Variants in MARVELD2 observed in about 807,000 individuals in gnomAD.
The protein encoded by MARVELD2 is MARVEL domain-containing protein 2.
Under a neutral mutation model 57.6 loss-of-function variants are expected in MARVELD2, and 49 were observed. The ratio of observed to expected loss-of-function variants is 0.85; its 90% CI spans 0.68 to 1.08. MARVELD2 has a LOEUF of 1.08. MARVELD2 is among the 50% of genes least tolerant of loss of function. MARVELD2 has a pLI of 0.00. For synonymous variants in MARVELD2, 238 were observed against 258.8 expected, an observed-to-expected ratio of 0.92 and a Z score of 0.77; for missense variants, 606 against 701.1, an observed-to-expected ratio of 0.86 and a Z score of 1.53.
At chr5:69,422,962 A>G (rs1766675894) in intron 2 of MARVELD2, among the ~76,000 whole-genome samples, 1 of 152,192 alleles carries the variant, frequency 6.6e-6, no homozygotes, top group African/African-American at 2.4e-5. Context: ...CAGTGGCACA[A>G]TCTCTGCTCA....
rs773244213 is a variant in MARVELD2, at chr5:69,419,765, G to A, written c.380G>A (p.Arg127His). Reference protein sequence around the residue: ...PPASPARPNHRSPLNSCKDPY... With the variant: ...PPASPARPNHHSPLNSCKDPY... ...GCCTCTCCAGCAAGACCAAACCACC[G>A]TTCGCCCCTCAACTCCTGCAAAGAT... The change falls in exon 2 of 7, where the codon CGT becomes CAT. Residue 127 changes from arginine (R) to histidine (H), a missense_variant. Physicochemically the swap from Arg to His is conservative, Grantham distance 29. Coordinates refer to ENST00000325631, the MANE Select transcript of MARVELD2 (RefSeq NM_001038603.3). The A allele has an allele frequency of 1.5e-5, 24 of 1,613,984 alleles. No homozygotes were observed. The highest frequency in any genetic ancestry group is 6.6e-5 in the South Asian group (6 of 91,084).
intron 3 of MARVELD2, among the ~76,000 whole-genome samples, chr5:69,429,397 G>A (rs1766889538): frequency 6.6e-6 from 1 of 152,156 alleles, no homozygotes; most frequent in Non-Finnish European, 1.5e-5. Flanking sequence ...TTAAAATCCT[G>A]TTTGGTTTTT....
chr5:69,429,169 T>A (rs1184393644), intron 3 of MARVELD2, among the ~76,000 whole-genome samples: 1 of 152,168 alleles, frequency 6.6e-6, no homozygotes, highest in Non-Finnish European at 1.5e-5. Flanking sequence ...CTGTCCCACC[T>A]AGAGCCATGG....
At position 69,433,012 on chromosome 5, in the gene MARVELD2, A is replaced by G; in HGVS notation, c.1422A>G (p.Ala474=). 1.2e-6 allele frequency: 2 copies of G among 1,614,262 alleles called. No homozygotes were observed. Among genetic ancestry groups the G allele is most frequent in the Admixed American group, 3.3e-5 (2 of 60,022 alleles). ...TTTCAGAGTACAAAGAGCTGTCTGC[A>G]GAAGTTCAGGCTGTCCTGAGGAAGT... is the stretch of plus-strand genomic sequence containing the variant. ...DQFSEYKELS[A]EVQAVLRKFD... is the part of the protein sequence containing the mutation. The change falls in exon 5 of 7, where the codon GCA becomes GCG. Residue 474 remains alanine, a synonymous_variant. Coordinates refer to ENST00000325631, the MANE Select transcript of MARVELD2 (RefSeq NM_001038603.3).
At chr5:69,437,749 C>A (rs922618591) in intron 5 of MARVELD2, among the ~76,000 whole-genome samples, 5 of 151,910 alleles carry the variant, frequency 3.3e-5, no homozygotes, top group African/African-American at 9.7e-5. Context: ...CCAGTGGTAT[C>A]TGGTTTGTGT....
rs755916038 is a variant in MARVELD2, at chr5:69,420,519, G to A, written c.1134G>A (p.Met378Ile). The A allele has an allele frequency of 1.2e-6, 2 of 1,610,522 alleles. No individual in the cohort carries two copies. The highest frequency in any genetic ancestry group is 2.2e-5 in the South Asian group (2 of 91,084). The change falls in exon 2 of 7, where the codon ATG becomes ATA. Residue 378 changes from methionine to isoleucine, a missense_variant. By Grantham distance (10) the Met-to-Ile change is conservative. Transcript: ENST00000325631. ...HEAARRHREYMEQQEINEPSL... is the reference protein window; with the variant it reads ...HEAARRHREYIEQQEINEPSL... ...CAGCTCGGAGACATAGAGAATATATGGAACAACAGGAGGTAAGTGATTTCA... is the reference window on the plus strand; with the variant it reads ...CAGCTCGGAGACATAGAGAATATATAGAACAACAGGAGGTAAGTGATTTCA...
In MARVELD2 at chr5:69,441,688, A is replaced by C. The variant is rs1767332725; in HGVS notation, c.*34A>C. 6.9e-7 allele frequency: 1 copy of C among 1,456,106 alleles called. No homozygotes were observed. Among genetic ancestry groups the C allele is most frequent in the Middle Eastern group, 2.5e-4 (1 of 4,060 alleles). The allele number at this position is 1,456,106 out of a possible 1,614,324, so 90.2% of individuals were successfully genotyped here. On this transcript the variant is annotated 3_prime_UTR_variant, in exon 7 of 7. Transcript: ENST00000325631. ...TGAAACCACTTTATTTTTTTATTTT[A>C]TTTTATTTTTTTGAGATGAAGTCTC...
chr5:69,417,306 G>T (rs1176548601), intron 1 of MARVELD2, among the ~76,000 whole-genome samples: 1 of 152,058 alleles, frequency 6.6e-6, no homozygotes, highest in African/African-American at 2.4e-5. Flanking sequence ...TTAGCATACT[G>T]TATATTTCAT....
intron 6 of MARVELD2, among the ~76,000 whole-genome samples, chr5:69,441,007 C>G (rs1490785615): frequency 6.6e-6 from 1 of 152,060 alleles, no homozygotes; most frequent in East Asian, 1.9e-4. Flanking sequence ...TCACTTGTGC[C>G]TGGGAGGCAG....
chr5:69,421,581 G>T (rs1766626896), intron 2 of MARVELD2, among the ~76,000 whole-genome samples: 1 of 151,946 alleles, frequency 6.6e-6, no homozygotes, highest in South Asian at 2.1e-4. Context: ...TCTTTTGCTT[G>T]AATCTGATGC....
rs546994457 is a variant in MARVELD2 at position 69,428,192 on chromosome 5, T to G, written c.1182+3556T>G. The stretch of plus-strand genomic sequence containing the variant: ...CATCCAAAAAGAGCAGAAAAAAAGT[T>G]AAGACCATAAAAATAAAAAAAAATT... On this transcript the variant is annotated intron_variant, in intron 3 of 6. Transcript: ENST00000325631. 1.5e-3 allele frequency among the ~76,000 whole-genome samples: 230 copies of G among 151,412 alleles called. 1 individual carries two copies. Among genetic ancestry groups the G allele is most frequent in the Middle Eastern group, 3.4e-3 (1 of 294 alleles).
chr5:69,439,747 G>A (rs1028683480), intron 5 of MARVELD2, among the ~76,000 whole-genome samples: 1 of 150,634 alleles, frequency 6.6e-6, no homozygotes, highest in Admixed American at 6.7e-5. Flanking sequence ...GAGGGAGACT[G>A]TCTTAAAATG....
intron 5 of MARVELD2, chr5:69,433,653 G>T: frequency 6.3e-6 from 1 of 157,692 alleles, no homozygotes; most frequent in Non-Finnish European, 1.4e-5. Flanking sequence ...TAGAGATGGG[G>T]TTTCACCGTG....
rs535312783 is a variant in MARVELD2, at chr5:69,443,199, C to G, written c.*1545C>G. 1 of 124,210 alleles carries G rather than the reference C, an allele frequency of 8.1e-6. No homozygotes were observed. Among genetic ancestry groups the G allele is most frequent in the East Asian group, 2.3e-4 (1 of 4,316 alleles). 7.7% of individuals were successfully genotyped at this position (124,210 alleles called of 1,614,324 possible). ...CAATGTAGCATTTCCTTGGAAACTC[C>G]CTTTTTTTTTTTTTTTGAGATGGAG... On this transcript the variant is annotated 3_prime_UTR_variant, in exon 7 of 7. Coordinates refer to ENST00000325631, the MANE Select transcript of MARVELD2 (RefSeq NM_001038603.3).
chr5:69,416,576 G>A (rs1360374627), intron 1 of MARVELD2, among the ~76,000 whole-genome samples: 1 of 152,210 alleles, frequency 6.6e-6, no homozygotes, highest in Non-Finnish European at 1.5e-5. Flanking sequence ...ATGATCAGAT[G>A]TCTGGGGTTT....
intron 3 of MARVELD2, among the ~76,000 whole-genome samples, chr5:69,428,676 G>C (rs1766869326): frequency 6.6e-6 from 1 of 151,970 alleles, no homozygotes. Context: ...ATTTTATGTA[G>C]AAAACAAATT....
chr5:69,427,929 T>C (rs963943016), intron 3 of MARVELD2, among the ~76,000 whole-genome samples: 26 of 152,230 alleles, frequency 1.7e-4, no homozygotes, highest in African/African-American at 6.0e-4. Flanking sequence ...TTGGCCAACA[T>C]GGTGAAACCC....
chr5:69,431,561 C>T (rs1399810004), intron 3 of MARVELD2, among the ~76,000 whole-genome samples: 1 of 151,892 alleles, frequency 6.6e-6, no homozygotes, highest in African/African-American at 2.4e-5. Flanking sequence ...TATTCTTTTA[C>T]GTTTAGTTGG....
chr5:69,424,718 C>T (rs1036349697), intron 3 of MARVELD2, 82 bp downstream of exon 3: 18 of 1,109,076 alleles, frequency 1.6e-5, no homozygotes, highest in South Asian at 7.6e-5. Context: ...ATAGTAGTAT[C>T]GTACATCTGT....
Sources: allele counts gnomAD v4.1 joint callset (sites outside exome capture counted in the v4.1 genomes callset), GRCh38; gene constraint gnomAD v4.1.1; transcripts MANE v1.5; gene names NCBI Gene and HGNC (gene_info 2026-07-23, HGNC 2026-07-21).